Variants in DKK2 observed in about 807,000 individuals in gnomAD.
DKK2 encodes dickkopf-related protein 2.
A neutral mutation model predicts 28.1 loss-of-function variants in DKK2; 11 were observed. That is an observed-to-expected ratio of 0.39 (90% CI 0.25 to 0.65). DKK2 has a LOEUF of 0.65. DKK2 is among the 30% of genes least tolerant of loss of function. The pLI is 0.47. For synonymous variants in DKK2, 135 were observed against 126.5 expected, an observed-to-expected ratio of 1.07 and a Z score of -0.45; for missense variants, 326 against 335.5, an observed-to-expected ratio of 0.97 and a Z score of 0.22.
intron 1 of DKK2, among the ~76,000 whole-genome samples, chr4:106,928,039 T>G (rs1724448123): frequency 6.6e-6 from 1 of 152,210 alleles, no homozygotes; most frequent in South Asian, 2.1e-4. Flanking sequence ...TGATAGCTGT[T>G]TATTTTCTGG....
intron 1 of DKK2, among the ~76,000 whole-genome samples, chr4:106,959,533 TAA>T (rs1488651416): frequency 6.6e-6 from 1 of 152,112 alleles, no homozygotes; most frequent in African/African-American, 2.4e-5. Flanking sequence ...ATATACAGAT[TAA>T]GTGTGATCTA....
intron 1 of DKK2, among the ~76,000 whole-genome samples, chr4:106,928,973 G>T (rs148588311): frequency 1.3e-5 from 2 of 152,048 alleles, no homozygotes; most frequent in Non-Finnish European, 2.9e-5. Context: ...CTGAAGAAGC[G>T]ATGACTGTGG....
At chr4:106,997,401 A>G (rs999662932) in intron 1 of DKK2, among the ~76,000 whole-genome samples, 9 of 152,106 alleles carry the variant, frequency 5.9e-5, no homozygotes, top group Admixed American at 2.6e-4. Flanking sequence ...ATCCTGTGAA[A>G]TGGCTTTCAG....
chr4:106,925,350 G>A (rs1724410075), intron 2 of DKK2, among the ~76,000 whole-genome samples: 2 of 152,148 alleles, frequency 1.3e-5, no homozygotes, highest in Non-Finnish European at 2.9e-5. Flanking sequence ...GCCAGGTTGG[G>A]GAATAAAATG....
At chr4:107,025,292 G>A (rs1723757969) in intron 1 of DKK2, among the ~76,000 whole-genome samples, 1 of 151,694 alleles carries the variant, frequency 6.6e-6, no homozygotes, top group South Asian at 2.1e-4. Flanking sequence ...ATGGGTCGGT[G>A]GTATTCAAAT....
intron 1 of DKK2, among the ~76,000 whole-genome samples, chr4:106,992,397 T>G (rs980769980): frequency 4.6e-5 from 7 of 152,336 alleles, no homozygotes; most frequent in Admixed American, 4.6e-4. Context: ...TAGGAACACT[T>G]CTTCATGCCT....
intron 1 of DKK2, among the ~76,000 whole-genome samples, chr4:107,024,267 G>A (rs1723738292): frequency 6.6e-6 from 1 of 151,922 alleles, no homozygotes; most frequent in South Asian, 2.1e-4. Context: ...GCACATCCCA[G>A]GCATGACAGA....
intron 1 of DKK2, among the ~76,000 whole-genome samples, chr4:106,939,087 A>G (rs1297501660): frequency 5.9e-5 from 9 of 152,194 alleles, no homozygotes; most frequent in Admixed American, 2.0e-4. Flanking sequence ...CTCCTATTCA[A>G]CATAGTGTTG....
intron 1 of DKK2, among the ~76,000 whole-genome samples, chr4:107,003,953 G>A (rs1006902471): frequency 6.6e-6 from 1 of 152,062 alleles, no homozygotes; most frequent in South Asian, 2.1e-4. Context: ...TTTATATTCC[G>A]TGTTTGTTTC....
intron 1 of DKK2, among the ~76,000 whole-genome samples, chr4:106,965,709 A>G (rs1431406196): frequency 1.4e-5 from 2 of 147,788 alleles, no homozygotes; most frequent in Non-Finnish European, 1.5e-5. Context: ...CTCGTCATCT[A>G]GCATTAGGTA....
chr4:106,928,446 A>G (rs568322846), intron 1 of DKK2, among the ~76,000 whole-genome samples: 5 of 152,304 alleles, frequency 3.3e-5, no homozygotes, highest in African/African-American at 1.2e-4. Flanking sequence ...ACTAGGAGAC[A>G]TTCTTTGGAA....
chr4:106,972,254 A>G (rs1722878652), intron 1 of DKK2, among the ~76,000 whole-genome samples: 1 of 152,048 alleles, frequency 6.6e-6, no homozygotes, highest in Middle Eastern at 3.2e-3. Context: ...GTCAATTTAC[A>G]GAAGCAAATT....
chr4:106,993,226 A>C (rs938621800), intron 1 of DKK2, among the ~76,000 whole-genome samples: 31 of 152,338 alleles, frequency 2.0e-4, no homozygotes, highest in African/African-American at 7.2e-4. Flanking sequence ...ATACTGAAAG[A>C]AGCTATGCCT....
Position 106,924,690 on chromosome 4 carries a change from GAT to G in DKK2, c.382_383del (p.Ile128ProfsTer4). On this transcript the variant is annotated frameshift_variant, in exon 3 of 4. Transcript: ENST00000285311. LOFTEE classifies it high-confidence loss of function. ...PSTRCNNGICIPVTESILTPH... is the reference protein window; with the variant it reads ...PSTRCNNGICXPVTESILTPH... Reference sequence around the variant, plus strand: ...GGGTTAAGATGCTTTCAGTAACTGGGATACAGATGCCTGGAGATGATCATATA... The same window carrying G: ...GGGTTAAGATGCTTTCAGTAACTGGGACAGATGCCTGGAGATGATCATATA... The G allele has an allele frequency of 6.2e-7, 1 of 1,613,086 alleles. No homozygotes were observed. The highest frequency in any genetic ancestry group is 8.5e-7 in the Non-Finnish European group (1 of 1,179,544).
intron 1 of DKK2, 65 bp downstream of exon 1, chr4:107,035,305 C>G (rs1723945763): frequency 6.4e-7 from 1 of 1,572,206 alleles, no homozygotes. Context: ...AATGGCAAAC[C>G]GCTAGCCCAA....
chr4:106,993,815 T>C (rs184265156), intron 1 of DKK2, among the ~76,000 whole-genome samples: 212 of 152,310 alleles, frequency 1.4e-3, no homozygotes, highest in African/African-American at 4.8e-3. Flanking sequence ...GGTCGGAAGC[T>C]GCGGGGAAAA....
At chr4:107,009,475 A>G (rs1723485241) in intron 1 of DKK2, among the ~76,000 whole-genome samples, 2 of 151,892 alleles carry the variant, frequency 1.3e-5, no homozygotes, top group South Asian at 4.1e-4. Context: ...ACTACAAACA[A>G]AAATCTGAAT....
intron 1 of DKK2, among the ~76,000 whole-genome samples, chr4:107,012,060 T>C (rs938158877): frequency 6.6e-6 from 1 of 151,310 alleles, no homozygotes; most frequent in Non-Finnish European, 1.5e-5. Context: ...TAACTAGATA[T>C]AGCTTGCCAT....
intron 1 of DKK2, among the ~76,000 whole-genome samples, chr4:106,987,777 C>T (rs1264060519): frequency 2.0e-5 from 3 of 151,982 alleles, no homozygotes; most frequent in African/African-American, 4.8e-5. Context: ...CTCATATCTT[C>T]ACAATAAATT....
Sources: allele counts gnomAD v4.1 joint callset (sites outside exome capture counted in the v4.1 genomes callset), GRCh38; gene constraint gnomAD v4.1.1; transcripts MANE v1.5; gene names NCBI Gene and HGNC (gene_info 2026-07-23, HGNC 2026-07-21).